The following MTHFD2L variants were observed in gnomAD, a reference collection of about 807,000 sequenced individuals.
The protein encoded by MTHFD2L is methylenetetrahydrofolate dehydrogenase (NADP+ dependent) 2 like.
Under a neutral mutation model 34.9 loss-of-function variants are expected in MTHFD2L, and 29 were observed. The observed-to-expected ratio is 0.83, with a 90% CI of 0.62 to 1.13. The LOEUF is 1.13. Among genes scored for constraint, MTHFD2L ranks in the 50% most tolerant of loss-of-function variants. The pLI is 0.00. For missense variants in MTHFD2L, 481 were observed against 446.5 expected (o/e 1.08, Z -0.70); for synonymous variants, 167 against 155.7 (o/e 1.07, Z -0.54).
chr4:74,244,827 A>G (rs1007132020), intron 6 of MTHFD2L, among the ~76,000 whole-genome samples: 2 of 152,188 alleles, frequency 1.3e-5, no homozygotes, highest in African/African-American at 4.8e-5. Context: ...CAATTATCAT[A>G]AAAGGCTAGT....
upstream of MTHFD2L, among the ~76,000 whole-genome samples, chr4:74,119,095 T>C (rs1052968962): frequency 2.0e-5 from 3 of 152,046 alleles, no homozygotes; most frequent in Non-Finnish European, 4.4e-5. Flanking sequence ...GAGTGGCAGG[T>C]GATAATTCAG....
At chr4:74,170,373 A>G (rs893778485) in intron 1 of MTHFD2L, among the ~76,000 whole-genome samples, 3 of 152,220 alleles carry the variant, frequency 2.0e-5, no homozygotes, top group African/African-American at 4.8e-5. Flanking sequence ...AGAAAAACAT[A>G]TGATCATCTC....
chr4:74,138,990 T>C (rs527605551), intron 1 of MTHFD2L, among the ~76,000 whole-genome samples: 1 of 152,158 alleles, frequency 6.6e-6, no homozygotes, highest in African/African-American at 2.4e-5. Flanking sequence ...ATAAGCCCAG[T>C]GTTTAAAGGT....
intron 6 of MTHFD2L, among the ~76,000 whole-genome samples, chr4:74,261,722 A>G (rs1744701943): frequency 6.6e-6 from 1 of 152,070 alleles, no homozygotes; most frequent in Admixed American, 6.6e-5. Flanking sequence ...CATATTTATA[A>G]GAATAAAGAT....
intron 6 of MTHFD2L, among the ~76,000 whole-genome samples, chr4:74,243,804 T>A (rs747162990): frequency 1.6e-4 from 25 of 152,192 alleles, no homozygotes; most frequent in Non-Finnish European, 3.1e-4. Flanking sequence ...AGAGCATTTT[T>A]ATTCTCTCAA....
chr4:74,212,591 G>T (rs745808756), intron 5 of MTHFD2L, among the ~76,000 whole-genome samples: 2 of 152,062 alleles, frequency 1.3e-5, no homozygotes, highest in African/African-American at 2.4e-5. Context: ...TTTTATATTT[G>T]CTGAGGAGTG....
At chr4:74,156,538 C>A (rs549895524), upstream of MTHFD2L, 1 of 152,222 alleles carries the variant, frequency 6.6e-6, no homozygotes, top group East Asian at 1.9e-4. Flanking sequence ...TGGTTTATTG[C>A]AGACATATTT....
chr4:74,281,886 T>C lies in MTHFD2L; in HGVS notation c.931+336T>C. On this transcript the variant is annotated intron_variant, in intron 7 of 7. Coordinates refer to ENST00000325278, the MANE Select transcript of MTHFD2L (RefSeq NM_001144978.3). ...TGGGCATAGTTTTGAATTTTGGGAG[T>C]TGACATCTTACTCTACGCTTAGTCA... Among the ~76,000 whole-genome samples the C allele has an allele frequency of 1.3e-5, 2 of 151,968 alleles. 1 individual carries two copies. The highest frequency in any genetic ancestry group is 2.9e-5 in the Non-Finnish European group (2 of 67,978).
intron 1 of MTHFD2L, chr4:74,143,471 T>G: frequency 2.0e-6 from 2 of 984,128 alleles, no homozygotes; most frequent in Non-Finnish European, 2.4e-6. Flanking sequence ...CTAGAGGGTA[T>G]GTGGAACTGT....
intron 6 of MTHFD2L, chr4:74,267,379 CTTTCTTTCTTTCT>C (rs1157901401): frequency 3.5e-4 from 133 of 382,990 alleles, no homozygotes; most frequent in East Asian, 2.9e-3. Context: ...TTTTTTCTTT[CTTTCTTTCTTTCT>C]TTTCTTTCTT....
At chr4:74,203,934 G>A (rs1225689634) in intron 5 of MTHFD2L, among the ~76,000 whole-genome samples, 5 of 149,852 alleles carry the variant, frequency 3.3e-5, no homozygotes, top group African/African-American at 1.2e-4. Context: ...GTTTTTATCT[G>A]TAACATAACA....
Position 74,152,638 on chromosome 4 carries a change from A to G in MTHFD2L, c.-296-7417A>G, listed in dbSNP as rs183043350. 7.9e-5 allele frequency among the ~76,000 whole-genome samples: 12 copies of G among 152,208 alleles called. No homozygotes were observed. In the East Asian group the frequency reaches 2.3e-3, roughly 29 times the overall value. On this transcript the variant is annotated intron_variant, in intron 1 of 7. Coordinates refer to the MTHFD2L transcript ENST00000433372. ...CCATCATCTAGATTTTAAGTCCTGC[A>G]TGCATTAGGTATTTATCCTAATGCT... is the stretch of plus-strand genomic sequence containing the variant.
chr4:74,244,992 A>T (rs1446553433), intron 6 of MTHFD2L, among the ~76,000 whole-genome samples: 2 of 152,048 alleles, frequency 1.3e-5, no homozygotes, highest in African/African-American at 4.8e-5. Context: ...CAAGAGCTCG[A>T]GACCATCCTG....
At chr4:74,243,189 A>C (rs1336080497) in intron 6 of MTHFD2L, among the ~76,000 whole-genome samples, 1 of 152,214 alleles carries the variant, frequency 6.6e-6, no homozygotes, top group Admixed American at 6.5e-5. Flanking sequence ...ATTAGTAGCC[A>C]AGAAAGACTT....
intron 6 of MTHFD2L, among the ~76,000 whole-genome samples, chr4:74,230,317 C>T (rs893720970): frequency 1.3e-5 from 2 of 151,836 alleles, no homozygotes; most frequent in African/African-American, 2.4e-5. Flanking sequence ...TGGCCGGGTG[C>T]AGTGGCTTAC....
At chr4:74,277,933 A>G (rs571058520) in intron 6 of MTHFD2L, among the ~76,000 whole-genome samples, 70 of 151,938 alleles carry the variant, frequency 4.6e-4, no homozygotes, top group Non-Finnish European at 9.4e-4. Flanking sequence ...ACTATTTCTT[A>G]CCCTCTGCAC....
At chr4:74,183,010 A>T (rs1370759625) in intron 3 of MTHFD2L, 1 of 152,178 alleles carries the variant, frequency 6.6e-6, no homozygotes, top group African/African-American at 2.4e-5. Context: ...AAAGAAGCTC[A>T]CCAAACTCTC....
intron 7 of MTHFD2L, among the ~76,000 whole-genome samples, chr4:74,287,030 A>T (rs1245839581): frequency 6.6e-6 from 1 of 152,148 alleles, no homozygotes; most frequent in East Asian, 1.9e-4. Flanking sequence ...TGGATAGTAA[A>T]ATTTAAAGTG....
Position 74,199,928 on chromosome 4 carries a change from G to A in MTHFD2L, c.586G>A (p.Glu196Lys). 1 of 1,613,886 alleles carries A rather than the reference G, an allele frequency of 6.2e-7. No individual in the cohort carries two copies. Among genetic ancestry groups the A allele is most frequent in the South Asian group, 1.1e-5 (1 of 91,056 alleles). The change falls in exon 4 of 8, where the codon GAA (glutamate) becomes AAA (lysine). Residue 196 changes from glutamate (E) to lysine (K), a missense_variant. Coordinates refer to ENST00000325278, the MANE Select transcript of MTHFD2L (RefSeq NM_001144978.3). ...LIPATASAVW[E>K]IIKRTGIQTF... ...ACCTGCCACTGCCAGTGCTGTTTGGGAAATAATAAAAAGAACAGGTTGGTA... is the reference window on the plus strand; with the variant it reads ...ACCTGCCACTGCCAGTGCTGTTTGGAAAATAATAAAAAGAACAGGTTGGTA...
Sources: allele counts gnomAD v4.1 joint callset (sites outside exome capture counted in the v4.1 genomes callset), GRCh38; gene constraint gnomAD v4.1.1; transcripts MANE v1.5; gene names NCBI Gene and HGNC (gene_info 2026-07-23, HGNC 2026-07-21).